EPHA5: variants seen among roughly 807,000 people sequenced by gnomAD.
EPHA5 encodes EPH receptor A5, also known as ephrin type-A receptor 5.
Under a neutral mutation model 105.0 loss-of-function variants are expected in EPHA5, and 60 were observed. That is an observed-to-expected ratio of 0.57 (90% CI 0.46 to 0.71). EPHA5 has a LOEUF of 0.71. Ranked by LOEUF, EPHA5 falls within the 30% of genes least tolerant of loss-of-function variation. The pLI is 0.00. For synonymous variants in EPHA5, 513 were observed against 449.1 expected (o/e 1.14, Z -1.80); for missense variants, 1,218 against 1,274.7 (o/e 0.96, Z 0.68).
Position 65,323,778 on chromosome 4 carries a change from T to C in EPHA5, c.*336A>G, listed in dbSNP as rs1719821916. 8.5e-6 allele frequency: 2 copies of C among 235,068 alleles called. No homozygotes were observed. The highest frequency in any genetic ancestry group is 1.1e-4 in the Admixed American group (2 of 17,710). The allele number at this position is 235,068 out of a possible 1,614,324, so 14.6% of individuals were successfully genotyped here. ...CTGGAAGTTTTGAAAGGGGTTGCCT[T>C]AATTCAGTCTATAAAAGTGCTATAT... is the stretch of plus-strand genomic sequence containing the variant. On this transcript the variant is annotated 3_prime_UTR_variant, in exon 17 of 17. Coordinates refer to ENST00000613740, the MANE Select transcript of EPHA5 (RefSeq NM_001281766.3).
At chr4:65,557,464 A>T (rs1738574969) in intron 3 of EPHA5, among the ~76,000 whole-genome samples, 1 of 152,018 alleles carries the variant, frequency 6.6e-6, no homozygotes, top group South Asian at 2.1e-4. Flanking sequence ...AAATATTTAT[A>T]GGGTATCATG....
rs2148855290 is a variant in EPHA5, at chr4:65,351,528, T to A, written c.2306A>T (p.Tyr769Phe). 1 of 1,613,722 alleles carries A rather than the reference T, an allele frequency of 6.2e-7. No homozygotes were observed. The highest frequency in any genetic ancestry group is 8.5e-7 in the Non-Finnish European group (1 of 1,179,790). ...ATGCACATAGCCCATGTCAGAAAGG[T>A]ACTTCATTCCTGCAGAGATACCTCT... ...MLRGISAGMK[Y>F]LSDMGYVHRD... The change falls in exon 13 of 17, where the codon TAC becomes TTC. Residue 769 changes from tyrosine (Y) to phenylalanine (F), a missense_variant. Coordinates refer to ENST00000613740, the MANE Select transcript of EPHA5 (RefSeq NM_001281766.3).
At chr4:65,623,466 T>C (rs746837127) in intron 2 of EPHA5, among the ~76,000 whole-genome samples, 6 of 152,126 alleles carry the variant, frequency 3.9e-5, no homozygotes, top group South Asian at 4.1e-4. Flanking sequence ...TCACATATTA[T>C]ACCTAATACA....
chr4:65,598,739 A>T (rs1743420430), intron 3 of EPHA5, among the ~76,000 whole-genome samples: 1 of 152,180 alleles, frequency 6.6e-6, no homozygotes, highest in South Asian at 2.1e-4. Flanking sequence ...TGTATGTTAG[A>T]TACAAGAATA....
chr4:65,656,396 T>C (rs1210102670), intron 1 of EPHA5, among the ~76,000 whole-genome samples: 1 of 151,258 alleles, frequency 6.6e-6, no homozygotes, highest in Admixed American at 6.6e-5. Context: ...AACTTTTCTA[T>C]ATAATTGCTT....
At chr4:65,552,987 A>AT (rs1227415130) in intron 3 of EPHA5, among the ~76,000 whole-genome samples, 2 of 152,082 alleles carry the variant, frequency 1.3e-5, no homozygotes, top group Non-Finnish European at 2.9e-5. Context: ...CTTTCCCAAT[A>AT]TTACCTACTT....
intron 3 of EPHA5, among the ~76,000 whole-genome samples, chr4:65,598,701 A>T (rs1384985825): frequency 6.6e-6 from 1 of 152,184 alleles, no homozygotes; most frequent in Non-Finnish European, 1.5e-5. Flanking sequence ...TGTAGAAGGG[A>T]TATTGGAGCA....
At position 65,365,148 on chromosome 4, in the gene EPHA5, AAT is replaced by A; in HGVS notation, c.2040_2041del (p.Glu680AspfsTer9). 3.1e-6 allele frequency: 5 copies of A among 1,611,588 alleles called. No homozygotes were observed. Among genetic ancestry groups the A allele is most frequent in the Non-Finnish European group, 4.2e-6 (5 of 1,178,344 alleles). ...TTTAAGGGTTTTGATAGCCACAGGT[AAT>A]TCTCTTTTTCCTGGTAGTTTCAAAC... On this transcript the variant is annotated frameshift_variant, in exon 11 of 17. Coordinates refer to ENST00000613740, the MANE Select transcript of EPHA5 (RefSeq NM_001281766.3). LOFTEE classifies it high-confidence loss of function.
intron 3 of EPHA5, among the ~76,000 whole-genome samples, chr4:65,580,574 T>C (rs574016300): frequency 6.6e-6 from 1 of 151,920 alleles, no homozygotes; most frequent in Non-Finnish European, 1.5e-5. Context: ...AAGGATTATT[T>C]TGTGCTGAAG....
At chr4:65,451,042 C>T (rs1727017233) in intron 5 of EPHA5, among the ~76,000 whole-genome samples, 1 of 152,040 alleles carries the variant, frequency 6.6e-6, no homozygotes, top group Non-Finnish European at 1.5e-5. Flanking sequence ...CAATACAGAC[C>T]TTCTAATGAT....
At chr4:65,447,459 T>C (rs992049083) in intron 5 of EPHA5, among the ~76,000 whole-genome samples, 2 of 150,680 alleles carry the variant, frequency 1.3e-5, no homozygotes, top group African/African-American at 4.9e-5. Flanking sequence ...CTGTCATATA[T>C]TAGAAACACA....
intron 13 of EPHA5, among the ~76,000 whole-genome samples, chr4:65,348,674 A>G (rs867273142): frequency 3.3e-4 from 22 of 66,878 alleles, no homozygotes; most frequent in Admixed American, 8.3e-4. Flanking sequence ...ATATATATAT[A>G]TATATATATA....
chr4:65,415,943 T>C (rs1228480202), intron 6 of EPHA5, among the ~76,000 whole-genome samples: 2 of 152,026 alleles, frequency 1.3e-5, no homozygotes, highest in Non-Finnish European at 2.9e-5. Flanking sequence ...AATGCACAGG[T>C]TCTTAATGGA....
intron 8 of EPHA5, among the ~76,000 whole-genome samples, chr4:65,399,190 A>G (rs1424110912): frequency 6.6e-6 from 1 of 152,142 alleles, no homozygotes; most frequent in Admixed American, 6.5e-5. Context: ...CATGGTGCCC[A>G]CAGTGAAAGC....
intron 3 of EPHA5, among the ~76,000 whole-genome samples, chr4:65,587,262 C>T (rs1279645300): frequency 1.3e-5 from 2 of 152,042 alleles, no homozygotes; most frequent in Non-Finnish European, 2.9e-5. Context: ...AGGATGCTCC[C>T]ACATCAGAAT....
intron 2 of EPHA5, among the ~76,000 whole-genome samples, chr4:65,641,207 T>C (rs1252231886): frequency 8.5e-5 from 13 of 152,254 alleles, no homozygotes; most frequent in African/African-American, 3.1e-4. Flanking sequence ...ATGACTGAAT[T>C]TTGGCTTTTC....
intron 8 of EPHA5, among the ~76,000 whole-genome samples, chr4:65,371,758 A>G (rs931051776): frequency 1.3e-5 from 2 of 152,048 alleles, no homozygotes; most frequent in Non-Finnish European, 2.9e-5. Flanking sequence ...CCTCCATACT[A>G]TCAGATCTTT....
chr4:65,348,701 A>T (rs1722488633), intron 13 of EPHA5, among the ~76,000 whole-genome samples: 1 of 111,822 alleles, frequency 8.9e-6, no homozygotes, highest in Non-Finnish European at 1.8e-5. Context: ...TATATATAAA[A>T]TATATATGTG....
rs369597832 is a variant in EPHA5, at chr4:65,373,417, G to A, written c.1794-5993C>T. Among the ~76,000 whole-genome samples, 7 of 151,770 alleles carry A rather than the reference G, an allele frequency of 4.6e-5. No homozygotes were observed. In the East Asian group the frequency reaches 9.7e-4, roughly 21 times the overall value. On this transcript the variant is annotated intron_variant, in intron 8 of 16. Transcript: ENST00000613740. Reference sequence around the variant, plus strand: ...GGAAGAGTACTTCCACACTCCCCCCGGCAGATATCTTATAAAGATGAATAA... The same window carrying A: ...GGAAGAGTACTTCCACACTCCCCCCAGCAGATATCTTATAAAGATGAATAA...
Sources: allele counts gnomAD v4.1 joint callset (sites outside exome capture counted in the v4.1 genomes callset), GRCh38; gene constraint gnomAD v4.1.1; transcripts MANE v1.5; gene names NCBI Gene and HGNC (gene_info 2026-07-23, HGNC 2026-07-21).